Variants in SYNE1 observed in about 807,000 individuals in gnomAD.
SYNE1 encodes the protein spectrin repeat containing nuclear envelope protein 1, also known as nesprin-1.
Under a neutral mutation model 1,111.0 loss-of-function variants are expected in SYNE1, and 616 were observed. That is an observed-to-expected ratio of 0.55 (90% confidence interval 0.52 to 0.59). The LOEUF is 0.59. Ranked by LOEUF, SYNE1 falls within the 20% of genes least tolerant of loss-of-function variation. SYNE1 has a pLI of 0.00. For synonymous variants in SYNE1, 3,855 were observed against 3,825.8 expected (o/e 1.01, Z -0.28); for missense variants, 10,006 against 10,417.0 (o/e 0.96, Z 1.72).
At chr6:152,480,521 T>C (rs2098884758) in intron 14 of SYNE1, among the ~76,000 whole-genome samples, 1 of 152,206 alleles carries the variant, frequency 6.6e-6, no homozygotes, top group South Asian at 2.1e-4. Flanking sequence ...AGCCTCCATT[T>C]CAATAATAAT....
chr6:152,454,180 A>ATTGT (rs2098676177), intron 24 of SYNE1, among the ~76,000 whole-genome samples: 1 of 112,950 alleles, frequency 8.9e-6, no homozygotes, highest in African/African-American at 4.6e-5. Flanking sequence ...ACATGTGCAC[A>ATTGT]CAGAAGCACA....
intron 3 of SYNE1, among the ~76,000 whole-genome samples, chr6:152,627,768 C>A (rs888617538): frequency 6.6e-6 from 1 of 152,114 alleles, no homozygotes; most frequent in East Asian, 1.9e-4. Flanking sequence ...CATCTTATCA[C>A]ATCGTTTCAT....
chr6:152,421,280 T>C (rs1459036091), intron 39 of SYNE1, among the ~76,000 whole-genome samples: 1 of 152,188 alleles, frequency 6.6e-6, no homozygotes, highest in East Asian at 1.9e-4. Context: ...GATAAACCTT[T>C]TGTTTGGTTA....
chr6:152,636,331 G>T (rs905838074), intron 2 of SYNE1, among the ~76,000 whole-genome samples: 3 of 152,086 alleles, frequency 2.0e-5, no homozygotes, highest in African/African-American at 7.2e-5. Flanking sequence ...GCTGCCTTTT[G>T]CTTCTGCACC....
chr6:152,495,219 T>C (rs1593966502), intron 11 of SYNE1, among the ~76,000 whole-genome samples: 1 of 152,178 alleles, frequency 6.6e-6, no homozygotes, highest in East Asian at 1.9e-4. Context: ...AGATTGACTT[T>C]ACCCACATGC....
intron 130 of SYNE1, among the ~76,000 whole-genome samples, chr6:152,165,918 T>C (rs969158241): frequency 1.3e-5 from 2 of 152,186 alleles, no homozygotes; most frequent in African/African-American, 4.8e-5. Context: ...GCTCTGGCCA[T>C]AGTGCCCCAG....
intron 136 of SYNE1, among the ~76,000 whole-genome samples, chr6:152,149,158 T>C (rs17082233): frequency 0.089 from 13,510 of 152,244 alleles, 883 homozygotes; most frequent in African/African-American, 0.18. Context: ...AAGATTCTTA[T>C]TTATCTTCCA....
chr6:152,442,688 G>A (rs1191334773), intron 30 of SYNE1, among the ~76,000 whole-genome samples: 2 of 152,216 alleles, frequency 1.3e-5, no homozygotes, highest in African/African-American at 4.8e-5. Context: ...GCTCACACCT[G>A]TAATCCTAGC....
chr6:152,373,981 C>T (rs1049596739), intron 58 of SYNE1, among the ~76,000 whole-genome samples: 9 of 152,176 alleles, frequency 5.9e-5, no homozygotes, highest in African/African-American at 1.7e-4. Flanking sequence ...ATAATCTGCT[C>T]AGCAGAAGCA....
At position 152,515,428 on chromosome 6, in the gene SYNE1, C is replaced by T. The variant is rs576636404; in HGVS notation, c.310-4325G>A. Among the ~76,000 whole-genome samples, 4 of 152,180 alleles carry T rather than the reference C, an allele frequency of 2.6e-5. No individual in the cohort carries two copies. The East Asian group carries it at 7.7e-4, about 29-fold the overall frequency. On this transcript the variant is annotated intron_variant, in intron 6 of 145. Transcript: ENST00000367255. Reference sequence around the variant, plus strand: ...CATTCTCAACAATAATGCAAGTAGTCAACTGCCTGCCTTATTTAATACACA... The same window carrying T: ...CATTCTCAACAATAATGCAAGTAGTTAACTGCCTGCCTTATTTAATACACA...
intron 39 of SYNE1, among the ~76,000 whole-genome samples, chr6:152,423,779 C>T (rs992126533): frequency 1.3e-5 from 2 of 152,230 alleles, no homozygotes; most frequent in African/African-American, 4.8e-5. Context: ...TTCCCACTGA[C>T]TTCCTCTCTG....
chr6:152,485,924 C>T (rs117594316), intron 12 of SYNE1, among the ~76,000 whole-genome samples: 7,092 of 152,166 alleles, frequency 0.047, 239 homozygotes, highest in Non-Finnish European at 0.067. Context: ...AGGCTGGGCA[C>T]GGTGGCTCAC....
rs1027984519 is a variant in SYNE1 at position 152,636,168 on chromosome 6, AG to A, written c.-224+469del. 2.2e-4 allele frequency among the ~76,000 whole-genome samples: 34 copies of A among 152,126 alleles called. 1 individual carries two copies. The highest frequency in any genetic ancestry group is 8.0e-4 in the African/African-American group (33 of 41,424). On this transcript the variant is annotated intron_variant, in intron 2 of 145. Coordinates refer to ENST00000367255, the MANE Select transcript of SYNE1 (RefSeq NM_182961.4). ...CAGCGCCGCTGGAGTCTGACGCGCCAGGGCCTCCGCGCAGCCTTCAAGCCAT... is the reference window on the plus strand; with the variant it reads ...CAGCGCCGCTGGAGTCTGACGCGCCAGGCCTCCGCGCAGCCTTCAAGCCAT...
At chr6:152,368,686 C>G (rs560137332) in intron 61 of SYNE1, 189 of 375,952 alleles carry the variant, frequency 5.0e-4, no homozygotes, top group African/African-American at 3.7e-3. Flanking sequence ...GGAAACATAT[C>G]ATTTCAGTAT....
At position 152,391,428 on chromosome 6, in the gene SYNE1, C is replaced by T. The variant is rs773929134; in HGVS notation, c.7853G>A (p.Ser2618Asn). The change falls in exon 52 of 146, where the codon AGC (serine) becomes AAC (asparagine). Residue 2618 changes from serine to asparagine, a missense_variant. Ser to Asn is a conservative substitution (Grantham distance 46). This residue lies in a region of SYNE1 where 4,955 missense variants were observed against 5,017.2 expected (regional missense o/e 0.99). Transcript: ENST00000367255. ...LLRMTKEKLR[S>N]CQVALQEHEA... is the part of the protein sequence containing the mutation. ...GTGCTCCTGAAGGGCCACCTGGCAG[C>T]TCCGGAGTTTCTCTTTGGTCATTCT... is the stretch of plus-strand genomic sequence containing the variant. 3.0e-5 allele frequency: 49 copies of T among 1,613,866 alleles called. No homozygotes were observed. The highest frequency in any genetic ancestry group is 4.0e-5 in the Non-Finnish European group (47 of 1,180,002).
intron 99 of SYNE1, among the ~76,000 whole-genome samples, chr6:152,268,680 A>T (rs2092949132): frequency 6.6e-6 from 1 of 152,166 alleles, no homozygotes; most frequent in African/African-American, 2.4e-5. Context: ...AATCATTCTT[A>T]TTCATCAAAG....
At chr6:152,606,863 C>G (rs905899301) in intron 3 of SYNE1, among the ~76,000 whole-genome samples, 1 of 151,262 alleles carries the variant, frequency 6.6e-6, no homozygotes, top group Non-Finnish European at 1.5e-5. Context: ...ACCATGTTAG[C>G]CAGGATGGTC....
chr6:152,301,997 G>A lies in SYNE1; in HGVS notation c.17413C>T (p.Leu5805=). The A allele has an allele frequency of 1.9e-6, 3 of 1,614,262 alleles. No homozygotes were observed. Among genetic ancestry groups the A allele is most frequent in the Non-Finnish European group, 2.5e-6 (3 of 1,180,046 alleles). ...IASLNSKCKM[L]TMKAKHATML... is the part of the protein sequence containing the mutation. ...GTGGCGTGCTTGGCTTTCATCGTCA[G>A]CATCTTGCACTTGGAATTCAAAGAA... is the stretch of plus-strand genomic sequence containing the variant. Residue 5805 remains leucine, a synonymous_variant, in exon 92 of 146, where the codon CTG becomes TTG. Transcript: ENST00000367255.
intron 14 of SYNE1, among the ~76,000 whole-genome samples, chr6:152,478,990 G>T (rs184785866): frequency 6.6e-6 from 1 of 152,328 alleles, no homozygotes; most frequent in East Asian, 1.9e-4. Flanking sequence ...GAGCACAAAA[G>T]GAGATGGTAA....
Sources: allele counts gnomAD v4.1 joint callset (sites outside exome capture counted in the v4.1 genomes callset), GRCh38; gene constraint gnomAD v4.1.1; regional missense constraint gnomAD v4.1.1; transcripts MANE v1.5; gene names NCBI Gene and HGNC (gene_info 2026-07-23, HGNC 2026-07-21).